PALM2AKAP2: variants seen among roughly 807,000 people sequenced by gnomAD.
PALM2AKAP2 encodes PALM2-AKAP2 fusion protein.
Under a neutral mutation model 71.5 loss-of-function variants are expected in PALM2AKAP2, and 37 were observed. That is an observed-to-expected ratio of 0.52 (90% confidence interval 0.40 to 0.68). The LOEUF (loss-of-function observed/expected upper bound fraction) is 0.68, where lower values mean the gene tolerates loss of function less well. Among genes scored for constraint, PALM2AKAP2 ranks in the 30% least tolerant of loss-of-function variants. PALM2AKAP2 has a pLI of 0.00. For synonymous variants in PALM2AKAP2, 468 were observed against 478.8 expected (o/e 0.98, Z 0.29); for missense variants, 1,224 against 1,191.8 (o/e 1.03, Z -0.40).
At chr9:109,681,719 T>C (rs919873161) in intron 1 of PALM2AKAP2, among the ~76,000 whole-genome samples, 2 of 152,202 alleles carry the variant, frequency 1.3e-5, no homozygotes, top group African/African-American at 4.8e-5. Flanking sequence ...AGACTTATTA[T>C]ATGGGTAGTT....
At chr9:109,858,694 T>C (rs79674646) in intron 1 of PALM2AKAP2, among the ~76,000 whole-genome samples, 16,879 of 152,194 alleles carry the variant, frequency 0.11, 1,077 homozygotes, top group East Asian at 0.25. Flanking sequence ...TTCAGAGTCC[T>C]CTACCATTCT....
At chr9:109,925,073 A>G in exon 5 of PALM2AKAP2, 1 of 1,614,128 alleles carries the variant, frequency 6.2e-7, no homozygotes, top group Non-Finnish European at 8.5e-7. Context: ...TTTCTCCAGT[A>G]CGGATGGAGG....
chr9:109,967,394 G>A (rs560565496), intron 6 of PALM2AKAP2, among the ~76,000 whole-genome samples: 22 of 151,724 alleles, frequency 1.5e-4, no homozygotes, highest in African/African-American at 4.6e-4. Flanking sequence ...CAAGGGTAGC[G>A]CAGTGAGACT....
chr9:109,818,234 C>T (rs559295622), intron 1 of PALM2AKAP2, among the ~76,000 whole-genome samples: 1 of 151,564 alleles, frequency 6.6e-6, no homozygotes, highest in South Asian at 2.1e-4. Context: ...TACACAATCT[C>T]TTTTTTTTTG....
chr9:109,806,187 C>T (rs956505613), intron 1 of PALM2AKAP2, among the ~76,000 whole-genome samples: 5 of 152,284 alleles, frequency 3.3e-5, no homozygotes, highest in African/African-American at 1.2e-4. Context: ...TGACATTACC[C>T]AATTATAAAA....
chr9:109,867,653 C>A (rs770029716), intron 2 of PALM2AKAP2, 82 bp downstream of exon 2: 4 of 1,462,424 alleles, frequency 2.7e-6, no homozygotes, highest in Non-Finnish European at 9.1e-7. Flanking sequence ...CCTGCCCTGC[C>A]GTGAAGGCGC....
At chr9:109,998,764 CA>C (rs766171217) in intron 6 of PALM2AKAP2, among the ~76,000 whole-genome samples, 97 of 70,792 alleles carry the variant, frequency 1.4e-3, no homozygotes, top group Admixed American at 2.8e-3. Flanking sequence ...GACCCTGTCG[CA>C]AAAAAAAAAA....
At chr9:110,164,224 A>G (rs1005530307) in intron 3 of PALM2AKAP2, among the ~76,000 whole-genome samples, 5 of 152,208 alleles carry the variant, frequency 3.3e-5, no homozygotes, top group African/African-American at 1.2e-4. Flanking sequence ...GGTCAAATAT[A>G]TCCAAGGAAG....
chr9:109,860,601 T>C (rs1046991898), intron 1 of PALM2AKAP2, among the ~76,000 whole-genome samples: 2 of 152,170 alleles, frequency 1.3e-5, no homozygotes, highest in African/African-American at 4.8e-5. Context: ...ATCTCAAGAT[T>C]CTCTTTTCCT....
intron 3 of PALM2AKAP2, among the ~76,000 whole-genome samples, chr9:109,896,928 C>T (rs1440198158): frequency 6.6e-6 from 1 of 152,206 alleles, no homozygotes; most frequent in African/African-American, 2.4e-5. Context: ...CTGAAATGTT[C>T]AGTTCCAGCT....
chr9:109,935,233 A>G (rs980768763), intron 6 of PALM2AKAP2, among the ~76,000 whole-genome samples: 3 of 152,346 alleles, frequency 2.0e-5, no homozygotes, highest in African/African-American at 7.2e-5. Flanking sequence ...TCATAGCCTC[A>G]CTTTGCTTCT....
chr9:109,910,688 G>A (rs921751245), intron 3 of PALM2AKAP2, among the ~76,000 whole-genome samples: 1 of 152,202 alleles, frequency 6.6e-6, no homozygotes, highest in African/African-American at 2.4e-5. Context: ...CATGAGGGCA[G>A]AGGGACTGAG....
At chr9:109,776,078 T>G (rs1343539391), upstream of PALM2AKAP2, among the ~76,000 whole-genome samples, 2 of 152,238 alleles carry the variant, frequency 1.3e-5, no homozygotes, top group Admixed American at 1.3e-4. Flanking sequence ...GGAGGGCAAA[T>G]AGTCACCAAT....
chr9:109,774,205 A>G (rs1829316880), intron 1 of PALM2AKAP2, among the ~76,000 whole-genome samples: 3 of 152,248 alleles, frequency 2.0e-5, no homozygotes, highest in Admixed American at 2.0e-4. Flanking sequence ...TGCTAAGGTA[A>G]ACCAGACTGG....
intron 1 of PALM2AKAP2, among the ~76,000 whole-genome samples, chr9:109,650,920 TTC>T (rs1827216094): frequency 6.6e-6 from 1 of 152,352 alleles, no homozygotes; most frequent in South Asian, 2.1e-4. Flanking sequence ...TATATCTTTA[TTC>T]TCTCTCAATT....
intron 1 of PALM2AKAP2, among the ~76,000 whole-genome samples, chr9:109,800,429 G>GA (rs1190976016): frequency 6.6e-6 from 1 of 152,196 alleles, no homozygotes. Flanking sequence ...GTTAGCCCAA[G>GA]ACCGGGTAGC....
chr9:109,686,984 A>G (rs1365973303), intron 1 of PALM2AKAP2, among the ~76,000 whole-genome samples: 1 of 152,148 alleles, frequency 6.6e-6, no homozygotes, highest in African/African-American at 2.4e-5. Flanking sequence ...AGCTTCATCC[A>G]TGTCCCTACA....
intron 3 of PALM2AKAP2, among the ~76,000 whole-genome samples, chr9:109,904,100 A>G (rs1197738988): frequency 6.6e-6 from 1 of 152,246 alleles, no homozygotes; most frequent in East Asian, 1.9e-4. Context: ...ACTGGAAGAG[A>G]AAGGAAGCAC....
At chr9:110,138,369 T>C in exon 2 of PALM2AKAP2, 1 of 1,614,186 alleles carries the variant, frequency 6.2e-7, no homozygotes, top group Non-Finnish European at 8.5e-7. Context: ...CCTTTCAAGC[T>C]GAGGTCCAGG....
Sources: allele counts gnomAD v4.1 joint callset (sites outside exome capture counted in the v4.1 genomes callset), GRCh38; gene constraint gnomAD v4.1.1; transcripts MANE v1.5; gene names NCBI Gene and HGNC (gene_info 2026-07-23, HGNC 2026-07-21).